CDH13: variants seen among roughly 807,000 people sequenced by gnomAD.
The protein encoded by CDH13 is cadherin 13, also known as cadherin-13.
CDH13 carries 24 observed loss-of-function variants against 63.8 expected under a neutral mutation model. That is an observed-to-expected ratio of 0.38 (90% CI 0.27 to 0.53). The LOEUF (loss-of-function observed/expected upper bound fraction) is 0.53. Ranked by LOEUF, CDH13 falls within the 20% of genes least tolerant of loss-of-function variation. The probability of loss-of-function intolerance (pLI) is 0.85; values close to 1 mark genes in which losing one functional copy is unlikely to be tolerated. For missense variants in CDH13, 1,049 were observed against 903.1 expected (o/e 1.16, Z -2.07); for synonymous variants, 503 against 355.3 (o/e 1.42, Z -4.67).
intron 2 of CDH13, among the ~76,000 whole-genome samples, chr16:83,022,601 A>G (rs989739124): frequency 5.9e-5 from 9 of 152,198 alleles, no homozygotes; most frequent in African/African-American, 2.2e-4. Flanking sequence ...GTGTGTGCGT[A>G]TGAAGATCCT....
chr16:83,661,881 T>C (rs1035294451), intron 8 of CDH13, among the ~76,000 whole-genome samples: 8 of 152,194 alleles, frequency 5.3e-5, no homozygotes, highest in African/African-American at 1.9e-4. Flanking sequence ...ATGCAGTGAA[T>C]GTTTCCCTTT....
chr16:83,023,100 G>A (rs1055638054), intron 2 of CDH13: 3 of 152,180 alleles, frequency 2.0e-5, no homozygotes, highest in African/African-American at 7.2e-5. Context: ...TCAAGGTCGG[G>A]AAGATTAAGC....
chr16:82,902,743 C>T (rs2041511995), intron 2 of CDH13, among the ~76,000 whole-genome samples: 1 of 152,088 alleles, frequency 6.6e-6, no homozygotes, highest in South Asian at 2.1e-4. Flanking sequence ...TGGTAGATTT[C>T]CCCAACGAAA....
chr16:83,368,219 G>A (rs1234494315), intron 6 of CDH13, among the ~76,000 whole-genome samples: 1 of 152,152 alleles, frequency 6.6e-6, no homozygotes, highest in Admixed American at 6.5e-5. Flanking sequence ...TAGAGCTACT[G>A]GAGCCCAACA....
At chr16:83,402,867 A>G (rs2091988765) in intron 6 of CDH13, among the ~76,000 whole-genome samples, 1 of 152,286 alleles carries the variant, frequency 6.6e-6, no homozygotes, top group South Asian at 2.1e-4. Flanking sequence ...TTAAACTTAG[A>G]TACGTCCCCT....
intron 1 of CDH13, among the ~76,000 whole-genome samples, chr16:82,758,574 G>T (rs1361839049): frequency 6.6e-6 from 1 of 152,170 alleles, no homozygotes; most frequent in African/African-American, 2.4e-5. Flanking sequence ...GTGCTCTTAG[G>T]TCACATGTTC....
intron 7 of CDH13, among the ~76,000 whole-genome samples, chr16:83,505,329 C>T (rs984938594): frequency 1.3e-5 from 2 of 152,112 alleles, no homozygotes. Context: ...CGCTGGACAA[C>T]ACTAGGACTC....
intron 3 of CDH13, among the ~76,000 whole-genome samples, chr16:83,100,077 C>G (rs1004854581): frequency 2.0e-5 from 3 of 152,146 alleles, no homozygotes; most frequent in Admixed American, 1.3e-4. Flanking sequence ...CTCATTTAGA[C>G]TTTTCAACTA....
chr16:83,560,910 G>T (rs200241425), intron 7 of CDH13, among the ~76,000 whole-genome samples: 2 of 129,732 alleles, frequency 1.5e-5, no homozygotes, highest in Admixed American at 7.5e-5. Flanking sequence ...CCCCCCCCCC[G>T]CCCCAGGGGC....
At chr16:83,126,386 G>A (rs555290088) in intron 4 of CDH13, among the ~76,000 whole-genome samples, 2 of 152,290 alleles carry the variant, frequency 1.3e-5, no homozygotes, top group East Asian at 3.9e-4. Context: ...ATTGAATATG[G>A]CTAATTAGGC....
chr16:82,632,994 G>A (rs900535553), intron 1 of CDH13, among the ~76,000 whole-genome samples: 14 of 152,126 alleles, frequency 9.2e-5, no homozygotes, highest in Admixed American at 3.3e-4. Flanking sequence ...CCAGTGCCAC[G>A]GCTGATCTGA....
At chr16:83,445,609 C>G (rs1046392244) in intron 6 of CDH13, among the ~76,000 whole-genome samples, 2 of 152,182 alleles carry the variant, frequency 1.3e-5, no homozygotes, top group Admixed American at 6.5e-5. Flanking sequence ...TAATTTCTCT[C>G]TGCACATTTT....
At chr16:83,657,523 T>C (rs1294593307) in intron 8 of CDH13, among the ~76,000 whole-genome samples, 1 of 152,130 alleles carries the variant, frequency 6.6e-6, no homozygotes, top group Non-Finnish European at 1.5e-5. Flanking sequence ...AACCAGTAGC[T>C]CCAAAGTGTT....
intron 10 of CDH13, among the ~76,000 whole-genome samples, chr16:83,681,193 A>G (rs1915375247): frequency 2.0e-5 from 3 of 152,052 alleles, no homozygotes; most frequent in Admixed American, 1.3e-4. Flanking sequence ...TACCCGAGGA[A>G]GTGCGGGAGG....
intron 1 of CDH13, among the ~76,000 whole-genome samples, chr16:82,796,331 G>A (rs565147404): frequency 1.9e-4 from 29 of 152,192 alleles, no homozygotes; most frequent in African/African-American, 6.5e-4. Flanking sequence ...TTCCAATCTC[G>A]CTCTTCTCTT....
chr16:82,669,747 G>A (rs1437375495), intron 1 of CDH13, among the ~76,000 whole-genome samples: 1 of 152,142 alleles, frequency 6.6e-6, no homozygotes, highest in Admixed American at 6.5e-5. Context: ...TAATTGGACG[G>A]AACCATTTGC....
At chr16:83,569,276 T>G (rs4782818) in intron 7 of CDH13, among the ~76,000 whole-genome samples, 1 of 151,848 alleles carries the variant, frequency 6.6e-6, no homozygotes, top group Non-Finnish European at 1.5e-5. Flanking sequence ...CCTCTCCCCA[T>G]TGGAACCAGC....
At chr16:83,706,405 C>T (rs1186692132) in intron 10 of CDH13, among the ~76,000 whole-genome samples, 5 of 152,128 alleles carry the variant, frequency 3.3e-5, no homozygotes, top group Non-Finnish European at 2.9e-5. Flanking sequence ...CACCTGTGAA[C>T]GAGAGGAGCG....
intron 3 of CDH13, among the ~76,000 whole-genome samples, chr16:83,114,305 G>A (rs892584129): frequency 1.3e-5 from 2 of 152,012 alleles, no homozygotes; most frequent in African/African-American, 2.4e-5. Flanking sequence ...TGTTGCTGGC[G>A]GTCCCTACTG....
Sources: gnomAD v4.1 joint callset for allele counts (sites outside exome capture counted in the v4.1 genomes callset) on GRCh38, gnomAD v4.1.1 for gene constraint, MANE v1.5 for transcripts, NCBI Gene and HGNC (gene_info 2026-07-23, HGNC 2026-07-21) for gene names.